The following CYGB variants were observed in gnomAD, a reference collection of about 807,000 sequenced individuals.
The protein encoded by CYGB is cytoglobin.
In CYGB, 13 loss-of-function variants were observed where a neutral mutation model predicts 20.7. The observed-to-expected ratio is 0.63, with a 90% CI of 0.41 to 1.00. CYGB has a LOEUF of 1.00. Ranked by LOEUF, CYGB falls within the 50% of genes least tolerant of loss-of-function variation. The pLI is 0.00. For missense variants in CYGB, 218 were observed against 257.2 expected (o/e 0.85, Z 1.04); for synonymous variants, 93 against 107.4 (o/e 0.87, Z 0.83).
Position 76,529,583 on chromosome 17 carries a change from G to A in CYGB, c.540-972C>T, listed in dbSNP as rs1030659073. 3.0e-6 allele frequency: 3 copies of A among 985,286 alleles called. No homozygotes were observed. In the African/African-American group the frequency reaches 5.2e-5, roughly 17 times the overall value. 61.0% of individuals were successfully genotyped at this position (985,286 alleles called of 1,614,324 possible). A position where few individuals can be genotyped will look rare whatever the true frequency, so the allele number is the denominator to read the frequency against. The stretch of plus-strand genomic sequence containing the variant: ...AAAAAGCCCTTTTCTCTGGAAGCAG[G>A]AAGTCTTGTGTCCTGGCTGTAAACA... On this transcript the variant is annotated intron_variant, in intron 3 of 3. Coordinates refer to ENST00000293230, the MANE Select transcript of CYGB (RefSeq NM_134268.5).
At position 76,534,840 on chromosome 17, in the gene CYGB, C is replaced by A. The variant is rs150627950; in HGVS notation, c.143+2560G>T. 5.5e-3 allele frequency among the ~76,000 whole-genome samples: 837 copies of A among 152,370 alleles called. 8 individuals are homozygous for A. The highest frequency in any genetic ancestry group is 0.037 in the South Asian group (179 of 4,826). Reference sequence around the variant, plus strand: ...GAATGACAGTCTCAGGGAGTCCCCACCCAGACCCTCCACGGTTCTGTGGCC... The same window carrying A: ...GAATGACAGTCTCAGGGAGTCCCCAACCAGACCCTCCACGGTTCTGTGGCC... On this transcript the variant is annotated intron_variant, in intron 1 of 3. Transcript: ENST00000293230.
chr17:76,540,680 G>T (rs2289607), upstream of CYGB: 205,862 of 1,119,292 alleles, frequency 0.18, 20,913 homozygotes, highest in South Asian at 0.33. This position sits in a 1 kb window ranked among gnomAD's most constrained non-coding sequence, Gnocchi z 5.0. Flanking sequence ...TGCGTGCACC[G>T]TATCCTGGCC....
At chr17:76,538,741 G>A (rs1204718716), upstream of CYGB, among the ~76,000 whole-genome samples, 1 of 152,226 alleles carries the variant, frequency 6.6e-6, no homozygotes, top group Non-Finnish European at 1.5e-5. Context: ...GGTGGGGGGA[G>A]AATCCCATGG....
chr17:76,531,348 G>T lies in CYGB; in HGVS notation c.375+112C>A. ...CCGGGCACTGCCCCTCCCTCTCGCA[G>T]CCACTCCGGGGATCACCTCTGTTGC... On this transcript the variant is annotated intron_variant, in intron 2 of 3. Transcript: ENST00000293230. This position sits in a 1 kb window ranked among gnomAD's most constrained non-coding sequence, Gnocchi z 7.4. 1 of 1,373,394 alleles carries T rather than the reference G, an allele frequency of 7.3e-7. No homozygotes were observed. Among genetic ancestry groups the T allele is most frequent in the South Asian group, 1.4e-5 (1 of 73,238 alleles). 85.1% of individuals were successfully genotyped at this position (1,373,394 alleles called of 1,614,324 possible). A position where few individuals can be genotyped will look rare whatever the true frequency, so the allele number is the denominator to read the frequency against.
At position 76,537,699 on chromosome 17, in the gene CYGB, G is replaced by GGTGT. The variant is rs550286728; in HGVS notation, c.-161_-158dup. On this transcript the variant is annotated 5_prime_UTR_variant, in exon 1 of 4. Transcript: ENST00000293230. ...AGGGAGCGTGTGTCTGTGCGCGCCGGGTGTGTGTGTGTGTGTGCGTGCGTG... is the reference window on the plus strand; with the variant it reads ...AGGGAGCGTGTGTCTGTGCGCGCCGGGTGTGTGTGTGTGTGTGTGTGCGTGCGTG... 14 of 555,684 alleles carry GGTGT rather than the reference G, an allele frequency of 2.5e-5. No homozygotes were observed. The highest frequency in any genetic ancestry group is 1.5e-4 in the South Asian group (2 of 13,498). The allele number at this position is 555,684 out of a possible 1,614,324, so 34.4% of individuals were successfully genotyped here. A position where few individuals can be genotyped will look rare whatever the true frequency, so the allele number is the denominator to read the frequency against.
At chr17:76,547,900 CACAT>C (rs2075069932) in intron 1 of CYGB, among the ~76,000 whole-genome samples, 2 of 139,628 alleles carry the variant, frequency 1.4e-5, no homozygotes, top group Admixed American at 1.4e-4. Context: ...CACACAGACA[CACAT>C]AACACATTCA....
intron 1 of CYGB, chr17:76,543,247 G>A (rs2075013796): frequency 5.4e-6 from 2 of 367,216 alleles, no homozygotes; most frequent in Admixed American, 3.5e-5. Context: ...GCTCTCGGAC[G>A]GGCTTCCTTC....
At chr17:76,539,992 C>G (rs550914395), upstream of CYGB, 1 of 782,030 alleles carries the variant, frequency 1.3e-6, no homozygotes, top group Non-Finnish European at 2.1e-6. Flanking sequence ...GGGCCGCTGA[C>G]CCACTAATCA....
At chr17:76,532,502 G>C (rs2074857295) in intron 1 of CYGB, among the ~76,000 whole-genome samples, 1 of 151,552 alleles carries the variant, frequency 6.6e-6, no homozygotes, top group Non-Finnish European at 1.5e-5. Context: ...CCCTAGCTGG[G>C]GCCCTGCAGT....
upstream of CYGB, chr17:76,540,664 C>A: frequency 4.6e-6 from 6 of 1,314,462 alleles, no homozygotes; most frequent in Non-Finnish European, 6.5e-6. This position sits in a 1 kb window ranked among gnomAD's most constrained non-coding sequence, Gnocchi z 5.0. Context: ...TGCCTGTGCG[C>A]GCCTGTGCGT....
chr17:76,527,394 C>T lies in CYGB; in HGVS notation c.*1184G>A, dbSNP rs2074780583. 2.8e-6 allele frequency: 1 copy of T among 359,350 alleles called. No homozygotes were observed. 22.3% of individuals were successfully genotyped at this position (359,350 alleles called of 1,614,324 possible). A position where few individuals can be genotyped will look rare whatever the true frequency, so the allele number is the denominator to read the frequency against. On this transcript the variant is annotated 3_prime_UTR_variant, in exon 4 of 4. Transcript: ENST00000293230. ...GGTCTGTTTAATGACACAGCTGGGT[C>T]TGGTTACAAACATCAGAAACTAGAA...
At position 76,531,799 on chromosome 17, in the gene CYGB, C is replaced by T. The variant is rs2074848092; in HGVS notation, c.144-108G>A. On this transcript the variant is annotated intron_variant, in intron 1 of 3. Transcript: ENST00000293230. The surrounding 1 kb of genome is among the most constrained non-coding windows in gnomAD (Gnocchi z 7.4). ...AGAAGTGGACCGCAGTGCTCCCCAC[C>T]CCCGCACCGTCACTGTTTTCACTAC... is the stretch of plus-strand genomic sequence containing the variant. The T allele has an allele frequency of 2.3e-6, 2 of 866,370 alleles. No homozygotes were observed. The highest frequency in any genetic ancestry group is 2.6e-5 in the East Asian group (1 of 38,226). The allele number at this position is 866,370 out of a possible 1,614,324, so 53.7% of individuals were successfully genotyped here. A position where few individuals can be genotyped will look rare whatever the true frequency, so the allele number is the denominator to read the frequency against.
chr17:76,540,456 G>C, upstream of CYGB: 3 of 1,595,698 alleles, frequency 1.9e-6, no homozygotes, highest in Non-Finnish European at 2.6e-6. The surrounding 1 kb of genome is among the most constrained non-coding windows in gnomAD (Gnocchi z 5.0). Flanking sequence ...GGGACAGTGA[G>C]GGGCTGGGCA....
In CYGB at chr17:76,528,487, T is replaced by C. The variant is rs1003383757; in HGVS notation, c.*91A>G. On this transcript the variant is annotated 3_prime_UTR_variant, in exon 4 of 4. Transcript: ENST00000293230. The surrounding 1 kb of genome is among the most constrained non-coding windows in gnomAD (Gnocchi z 5.8). ...TGAGTCAGGGATTCCTCCAGCTTCCTTGGCACCCAGAAATGGAGCGTCAAG... is the reference window on the plus strand; with the variant it reads ...TGAGTCAGGGATTCCTCCAGCTTCCCTGGCACCCAGAAATGGAGCGTCAAG... The C allele has an allele frequency of 8.7e-7, 1 of 1,152,794 alleles. No individual in the cohort carries two copies. The highest frequency in any genetic ancestry group is 3.4e-5 in the South Asian group (1 of 29,670). 71.4% of individuals were successfully genotyped at this position (1,152,794 alleles called of 1,614,324 possible).
In CYGB at chr17:76,531,533, T is replaced by C. The variant is rs775902430; in HGVS notation, c.302A>G (p.Lys101Arg). The change falls in exon 2 of 4, where the codon AAG becomes AGG. Residue 101 changes from lysine to arginine, a missense_variant. Coordinates refer to ENST00000293230, the MANE Select transcript of CYGB (RefSeq NM_134268.5). The surrounding 1 kb of genome is among the most constrained non-coding windows in gnomAD (Gnocchi z 7.4). ...TVVENLHDPD[K>R]VSSVLALVGK... ...CACAAGGGCGAGCACAGAGGACACCTTGTCGGGGTCATGCAGGTTCTCCAC... is the reference window on the plus strand; with the variant it reads ...CACAAGGGCGAGCACAGAGGACACCCTGTCGGGGTCATGCAGGTTCTCCAC... 27 of 1,614,018 alleles carry C rather than the reference T, an allele frequency of 1.7e-5. No individual in the cohort carries two copies. In the East Asian group the frequency reaches 2.2e-4, roughly 13 times the overall value.
At chr17:76,535,052 GGT>G (rs999713240) in intron 1 of CYGB, among the ~76,000 whole-genome samples, 13 of 152,362 alleles carry the variant, frequency 8.5e-5, no homozygotes, top group Admixed American at 8.5e-4. Context: ...TGAGGAGGAA[GGT>G]GTCAGAGTTA....
chr17:76,532,267 C>A (rs575019625), intron 1 of CYGB, among the ~76,000 whole-genome samples: 1 of 152,340 alleles, frequency 6.6e-6, no homozygotes, highest in South Asian at 2.1e-4. Context: ...TCATCCCTGT[C>A]CTGGCTCAGC....
chr17:76,530,052 G>T lies in CYGB; in HGVS notation c.539+927C>A, dbSNP rs934815774. 26 of 985,314 alleles carry T rather than the reference G, an allele frequency of 2.6e-5. No homozygotes were observed. Among genetic ancestry groups the T allele is most frequent in the Non-Finnish European group, 2.8e-5 (23 of 829,932 alleles). 61.0% of individuals were successfully genotyped at this position (985,314 alleles called of 1,614,324 possible). On this transcript the variant is annotated intron_variant, in intron 3 of 3. Transcript: ENST00000293230. The surrounding 1 kb of genome is among the most constrained non-coding windows in gnomAD (Gnocchi z 6.1). Reference sequence around the variant, plus strand: ...AACAGAAGGGCCGGCAGTCTTGGGGGCCCGTGCAGAGCCCGGCGGGAGACG... The same window carrying T: ...AACAGAAGGGCCGGCAGTCTTGGGGTCCCGTGCAGAGCCCGGCGGGAGACG...
At chr17:76,538,656 C>T (rs537736132), upstream of CYGB, 115 of 349,970 alleles carry the variant, frequency 3.3e-4, no homozygotes, top group African/African-American at 1.4e-3. Context: ...CACCAAGGGC[C>T]CGATTCCGGG....
Sources: gnomAD v4.1 joint callset for allele counts (sites outside exome capture counted in the v4.1 genomes callset) on GRCh38, gnomAD v4.1.1 for gene constraint, Gnocchi (gnomAD v3.1) non-coding constraint, MANE v1.5 for transcripts, NCBI Gene and HGNC (gene_info 2026-07-23, HGNC 2026-07-21) for gene names.